The following TENM3 variants were observed in gnomAD, a reference collection of about 807,000 sequenced individuals.
TENM3 encodes teneurin-3.
A neutral mutation model predicts 255.1 loss-of-function variants in TENM3; 63 were observed. The observed-to-expected ratio is 0.25, with a 90% confidence interval of 0.20 to 0.30. The LOEUF (loss-of-function observed/expected upper bound fraction) is 0.30, where lower values mean the gene tolerates loss of function less well. TENM3 is among the 10% of genes least tolerant of loss of function. The pLI, the probability that TENM3 is intolerant of heterozygous loss-of-function variation, is 1.00. For missense variants in TENM3, 2,929 were observed against 3,461.1 expected, an observed-to-expected ratio of 0.85 and a Z score of 3.86; for synonymous variants, 1,306 against 1,322.3, an observed-to-expected ratio of 0.99 and a Z score of 0.27.
the TENM3 span, among the ~76,000 whole-genome samples, chr4:181,721,887 C>A: frequency 0.048 from 7,328 of 152,096 alleles, 248 homozygotes; most frequent in Middle Eastern, 0.15. Context: ...TAGGAAAACA[C>A]AACCCACATT....
the TENM3 span, among the ~76,000 whole-genome samples, chr4:182,010,797 C>T: frequency 6.6e-6 from 1 of 152,122 alleles, no homozygotes; most frequent in South Asian, 2.1e-4. Context: ...TAGCAAGGTC[C>T]TATATGTCAT....
At position 182,778,901 on chromosome 4, in the gene TENM3, AGTGTGTGTGTGTAT is replaced by A. The variant is rs1166230105; in HGVS notation, c.5304+3763_5304+3776del. Among the ~76,000 whole-genome samples, 34 of 146,524 alleles carry A rather than the reference AGTGTGTGTGTGTAT, an allele frequency of 2.3e-4. No individual in the cohort carries two copies. In the East Asian group the frequency reaches 5.2e-3, roughly 23 times the overall value. On this transcript the variant is annotated intron_variant, in intron 24 of 27. Transcript: ENST00000511685. ...GGTTTCACTTTTAGATTGTTATTTA[AGTGTGTGTGTGTAT>A]GTGTGTGTGTGTATAAATATATATT...
the TENM3 span, among the ~76,000 whole-genome samples, chr4:182,074,376 T>C: frequency 2.4e-4 from 37 of 152,290 alleles, no homozygotes; most frequent in African/African-American, 8.9e-4. Context: ...TTATAGCATC[T>C]ACCTGCCTTT....
At chr4:182,014,082 G>T in the TENM3 span, among the ~76,000 whole-genome samples, 24 of 82,910 alleles carry the variant, frequency 2.9e-4, 1 homozygote, top group African/African-American at 9.4e-4. Flanking sequence ...ACATATATAC[G>T]TATATATACG....
chr4:182,616,332 T>G, intron 4 of TENM3, among the ~76,000 whole-genome samples: 1 of 134,652 alleles, frequency 7.4e-6, no homozygotes, highest in Non-Finnish European at 1.5e-5. Flanking sequence ...CTGAGAATGA[T>G]GGTCATAGGA....
intron 1 of TENM3, among the ~76,000 whole-genome samples, chr4:182,299,835 CCATTACAG>C (rs1761741153): frequency 2.0e-5 from 3 of 151,802 alleles, no homozygotes; most frequent in Admixed American, 2.0e-4. Context: ...GATGTGCCTT[CCATTACAG>C]CACGAGCAGG....
intron 1 of TENM3, among the ~76,000 whole-genome samples, chr4:182,217,049 G>T (rs1215139538): frequency 9.9e-6 from 1 of 101,146 alleles, no homozygotes. Flanking sequence ...TTGAGACAGA[G>T]TCTCACTCTG....
chr4:181,996,356 G>A, the TENM3 span, among the ~76,000 whole-genome samples: 1 of 152,052 alleles, frequency 6.6e-6, no homozygotes, highest in Non-Finnish European at 1.5e-5. Context: ...AGATGGCTGT[G>A]AGCAGGAATG....
At chr4:182,604,143 T>C (rs891551615) in intron 4 of TENM3, among the ~76,000 whole-genome samples, 1 of 152,210 alleles carries the variant, frequency 6.6e-6, no homozygotes, top group Non-Finnish European at 1.5e-5. Context: ...GTTTATTTCC[T>C]TTCTCTAATG....
chr4:182,621,785 AT>A (rs1247151959), intron 4 of TENM3, among the ~76,000 whole-genome samples: 3 of 51,970 alleles, frequency 5.8e-5, no homozygotes, highest in African/African-American at 7.5e-5. Flanking sequence ...ATATATAATT[AT>A]ATATATAATA....
chr4:182,534,318 G>A (rs1422485259), intron 3 of TENM3, among the ~76,000 whole-genome samples: 1 of 152,128 alleles, frequency 6.6e-6, no homozygotes, highest in African/African-American at 2.4e-5. Context: ...GAGTCATCTG[G>A]CTATTTGTAC....
intron 5 of TENM3, among the ~76,000 whole-genome samples, chr4:182,634,707 T>TAA (rs11395245): frequency 0.016 from 1,913 of 116,332 alleles, 30 homozygotes; most frequent in Admixed American, 0.042. Context: ...ACTCTGAAAT[T>TAA]AAAAAAAAAA....
chr4:182,087,421 G>T, the TENM3 span, among the ~76,000 whole-genome samples: 1 of 152,118 alleles, frequency 6.6e-6, no homozygotes, highest in African/African-American at 2.4e-5. Flanking sequence ...CCTCTTCACT[G>T]GACAAAAACG....
At chr4:181,915,764 G>C in the TENM3 span, among the ~76,000 whole-genome samples, 4 of 151,936 alleles carry the variant, frequency 2.6e-5, no homozygotes, top group Non-Finnish European at 5.9e-5. Context: ...TGAGGAACAG[G>C]AAGGTGATTC....
intron 1 of TENM3, among the ~76,000 whole-genome samples, chr4:182,232,974 C>T (rs1756675876): frequency 6.6e-6 from 1 of 152,250 alleles, no homozygotes; most frequent in Non-Finnish European, 1.5e-5. Context: ...TGGAATTTTC[C>T]ATTTAACGTC....
At chr4:182,392,004 T>A (rs1346861986) in intron 3 of TENM3, among the ~76,000 whole-genome samples, 1 of 152,240 alleles carries the variant, frequency 6.6e-6, no homozygotes, top group African/African-American at 2.4e-5. Flanking sequence ...CTCCAGAGAA[T>A]GGAATCTGAC....
At chr4:182,278,360 T>G (rs1315851415) in intron 1 of TENM3, among the ~76,000 whole-genome samples, 2 of 151,242 alleles carry the variant, frequency 1.3e-5, no homozygotes, top group African/African-American at 4.9e-5. Context: ...AGAGCGAAAT[T>G]CCATCTCAAA....
the TENM3 span, among the ~76,000 whole-genome samples, chr4:181,461,974 T>C: frequency 1.3e-5 from 2 of 152,294 alleles, no homozygotes; most frequent in South Asian, 4.1e-4. Context: ...CTGGACTCTG[T>C]TGTACGTATT....
chr4:182,741,715 C>T (rs1417046141), intron 18 of TENM3, among the ~76,000 whole-genome samples: 1 of 152,170 alleles, frequency 6.6e-6, no homozygotes, highest in Non-Finnish European at 1.5e-5. Flanking sequence ...TGTTATGATC[C>T]AGCCTTATTT....
Sources: gnomAD v4.1 joint callset for allele counts (sites outside exome capture counted in the v4.1 genomes callset) on GRCh38, gnomAD v4.1.1 for gene constraint, MANE v1.5 for transcripts, NCBI Gene and HGNC (gene_info 2026-07-23, HGNC 2026-07-21) for gene names.